Variants in ART3 observed in about 807,000 individuals in gnomAD.
ART3 encodes ADP-ribosyltransferase 3 (inactive), also known as ecto-ADP-ribosyltransferase 3.
ART3 carries 49 observed loss-of-function variants against 48.5 expected under a neutral mutation model. That is an observed-to-expected ratio of 1.01 (90% CI 0.80 to 1.28). The LOEUF is 1.28. ART3 is among the 50% of genes most tolerant of loss of function. The pLI is 0.00. For synonymous variants in ART3, 145 were observed against 157.2 expected (o/e 0.92, Z 0.58); for missense variants, 438 against 454.3 (o/e 0.96, Z 0.33).
intron 1 of ART3, among the ~76,000 whole-genome samples, chr4:76,050,646 C>T (rs1005863297): frequency 6.6e-6 from 1 of 152,236 alleles, no homozygotes; most frequent in African/African-American, 2.4e-5. Context: ...AGTCCCGGTG[C>T]TGTGTGCCCG....
At chr4:76,109,713 ATTATAG>A (rs1233369958) in intron 11 of ART3, among the ~76,000 whole-genome samples, 1 of 152,156 alleles carries the variant, frequency 6.6e-6, no homozygotes, top group African/African-American at 2.4e-5. Context: ...CTCTATTATA[ATTATAG>A]TCTTATGGGA....
In ART3 at chr4:76,105,728, C is replaced by A. The variant is rs189669025; in HGVS notation, c.1003+1099C>A. Reference sequence around the variant, plus strand: ...TGTTGAGAATTTCTTTCAGTGTGAGCAGCAGGCTGCTATTACGGTTCTCTG... The same window carrying A: ...TGTTGAGAATTTCTTTCAGTGTGAGAAGCAGGCTGCTATTACGGTTCTCTG... On this transcript the variant is annotated intron_variant, in intron 10 of 11. Transcript: ENST00000355810. 2.4e-5 allele frequency: 24 copies of A among 985,424 alleles called. No individual in the cohort carries two copies. In the African/African-American group the frequency reaches 4.2e-4, roughly 17 times the overall value. The allele number at this position is 985,424 out of a possible 1,614,324, so 61.0% of individuals were successfully genotyped here.
chr4:76,081,075 C>A (rs909366634), intron 2 of ART3, among the ~76,000 whole-genome samples: 1 of 152,172 alleles, frequency 6.6e-6, no homozygotes, highest in African/African-American at 2.4e-5. Flanking sequence ...TTTATTGATT[C>A]TTACAACTGG....
intron 9 of ART3, chr4:76,104,294 T>C: frequency 2.1e-6 from 2 of 947,114 alleles, no homozygotes; most frequent in Non-Finnish European, 2.5e-6. Context: ...AAACCTACCT[T>C]TACGCACAAG....
At position 76,086,047 on chromosome 4, in the gene ART3, G is replaced by C. The variant is rs546777747; in HGVS notation, c.781+3512G>C. On this transcript the variant is annotated intron_variant, in intron 3 of 11. Transcript: ENST00000355810. ...AGACTGCACAACTGCACTCCAGCCTGGTCAACAAGAGTCCCCCCCCCCGCT... is the reference window on the plus strand; with the variant it reads ...AGACTGCACAACTGCACTCCAGCCTCGTCAACAAGAGTCCCCCCCCCCGCT... Among the ~76,000 whole-genome samples the C allele has an allele frequency of 7.3e-4, 110 of 150,996 alleles. 2 individuals carry two copies. The highest frequency in any genetic ancestry group is 2.6e-3 in the African/African-American group (107 of 40,806).
At chr4:76,018,173 T>C (rs924984821) in intron 1 of ART3, among the ~76,000 whole-genome samples, 2 of 152,200 alleles carry the variant, frequency 1.3e-5, no homozygotes, top group Non-Finnish European at 2.9e-5. Flanking sequence ...CTATTCACTA[T>C]AGCAAAGATA....
rs10025302 is a variant in ART3 at position 76,046,915 on chromosome 4, C to A, written c.-9-28966C>A. Among the ~76,000 whole-genome samples the A allele has an allele frequency of 7.0e-3, 1,060 of 151,704 alleles. 10 individuals are homozygous for A. The highest frequency in any genetic ancestry group is 0.025 in the African/African-American group (1,019 of 41,406). ...GACAGGAGATTAACCCTGAGAAGGC[C>A]GCGCCAGTGTCCAGGAGGAAGGCAA... On this transcript the variant is annotated intron_variant, in intron 1 of 9. Transcript: ENST00000341029.
intron 1 of ART3, among the ~76,000 whole-genome samples, chr4:76,015,532 T>G (rs1044275970): frequency 6.6e-6 from 1 of 152,172 alleles, no homozygotes; most frequent in Non-Finnish European, 1.5e-5. Context: ...ACTTAAAAAA[T>G]TCAATAGCTG....
chr4:76,085,361 G>A (rs951391382), intron 3 of ART3, among the ~76,000 whole-genome samples: 2 of 152,182 alleles, frequency 1.3e-5, no homozygotes, highest in Non-Finnish European at 2.9e-5. Flanking sequence ...TTGATGTCTG[G>A]GTAGGGACAG....
intron 4 of ART3, among the ~76,000 whole-genome samples, 196 bp downstream of exon 4, chr4:76,097,872 C>G (rs958214515): frequency 9.9e-5 from 15 of 152,174 alleles, no homozygotes; most frequent in African/African-American, 3.1e-4. Context: ...CCCACTGCCA[C>G]CCTCATCCCC....
At chr4:76,070,823 A>G (rs372320739), upstream of ART3, among the ~76,000 whole-genome samples, 3 of 152,162 alleles carry the variant, frequency 2.0e-5, no homozygotes, top group South Asian at 6.2e-4. Flanking sequence ...TTTTTATTGC[A>G]ACCCACTTCT....
At chr4:76,018,830 C>A (rs2149363022) in intron 1 of ART3, among the ~76,000 whole-genome samples, 1 of 152,034 alleles carries the variant, frequency 6.6e-6, no homozygotes, top group South Asian at 2.1e-4. Context: ...AAGTTTGAGA[C>A]CAGCCTGGGC....
At chr4:76,074,937 C>T (rs759910987) in intron 1 of ART3, 118 bp downstream of exon 1, 9 of 152,118 alleles carry the variant, frequency 5.9e-5, no homozygotes, top group Non-Finnish European at 1.0e-4. Flanking sequence ...ATCTTATATT[C>T]AAATCTTTTT....
At chr4:76,051,310 A>T (rs1419750153) in intron 1 of ART3, among the ~76,000 whole-genome samples, 1 of 27,924 alleles carries the variant, frequency 3.6e-5, no homozygotes, top group African/African-American at 1.6e-4. Context: ...ATTTTTTTTT[A>T]AGAGTTCTTA....
chr4:76,083,523 C>T (rs559325521), intron 3 of ART3, among the ~76,000 whole-genome samples: 28 of 152,310 alleles, frequency 1.8e-4, no homozygotes, highest in African/African-American at 5.8e-4. Flanking sequence ...TCAGAGTCAG[C>T]GCAGTGGCTC....
chr4:76,098,882 T>C, intron 4 of ART3, 73 bp from the exon 5 acceptor site: 7 of 1,278,660 alleles, frequency 5.5e-6, no homozygotes, highest in Non-Finnish European at 6.6e-6. Flanking sequence ...TTAATGAACA[T>C]TTAAAAATAG....
At chr4:76,052,444 T>C (rs1003060952) in intron 1 of ART3, among the ~76,000 whole-genome samples, 1 of 152,202 alleles carries the variant, frequency 6.6e-6, no homozygotes, top group Non-Finnish European at 1.5e-5. Flanking sequence ...CTGGTAGCCA[T>C]CTACCTTTCC....
chr4:76,102,784 A>G (rs1471379688), intron 8 of ART3, among the ~76,000 whole-genome samples: 1 of 152,094 alleles, frequency 6.6e-6, no homozygotes, highest in Non-Finnish European at 1.5e-5. Context: ...TTTAATTTTT[A>G]ATAATTTTCT....
intron 3 of ART3, among the ~76,000 whole-genome samples, chr4:76,090,396 A>G (rs372780877): frequency 3.9e-5 from 6 of 152,364 alleles, no homozygotes; most frequent in African/African-American, 1.4e-4. Flanking sequence ...GCTAGCAGTA[A>G]CAGCCCTGCA....
Sources: allele counts gnomAD v4.1 joint callset (sites outside exome capture counted in the v4.1 genomes callset), GRCh38; gene constraint gnomAD v4.1.1; transcripts MANE v1.5; gene names NCBI Gene and HGNC (gene_info 2026-07-23, HGNC 2026-07-21).